IL1RAPL2: variants seen among roughly 807,000 people sequenced by gnomAD.
The protein encoded by IL1RAPL2 is X-linked interleukin-1 receptor accessory protein-like 2.
Under a neutral mutation model 44.1 loss-of-function variants are expected in IL1RAPL2, and 3 were observed. The observed-to-expected ratio is 0.07, with a 90% CI of 0.03 to 0.18. The LOEUF is 0.18. Ranked by LOEUF, IL1RAPL2 falls within the 10% of genes least tolerant of loss-of-function variation. The probability of loss-of-function intolerance (pLI) is 1.00; values close to 1 mark genes in which losing one functional copy is unlikely to be tolerated. For synonymous variants in IL1RAPL2, 181 were observed against 178.8 expected, an observed-to-expected ratio of 1.01 and a Z score of -0.10; for missense variants, 391 against 496.4, an observed-to-expected ratio of 0.79 and a Z score of 2.02.
At chrX:105,723,308 G>T (rs1326505873) in intron 7 of IL1RAPL2, among the ~76,000 whole-genome samples, 1 of 111,386 alleles carries the variant, frequency 9.0e-6, no homozygotes, top group Non-Finnish European at 1.9e-5. Flanking sequence ...ACATAAAAAT[G>T]GCCTTTACTG....
intron 7 of IL1RAPL2, among the ~76,000 whole-genome samples, chrX:105,734,967 G>C (rs1324378367): frequency 1.8e-5 from 2 of 110,874 alleles, no homozygotes; most frequent in African/African-American, 6.6e-5. Context: ...TTTGCTCCTG[G>C]GGATCTCATT....
intron 2 of IL1RAPL2, among the ~76,000 whole-genome samples, chrX:105,066,466 G>T (rs1227022826): frequency 9.0e-6 from 1 of 111,456 alleles, no homozygotes; most frequent in Non-Finnish European, 1.9e-5. Context: ...TTGTTATAAG[G>T]GATGGAGAAG....
chrX:105,755,314 T>C lies in IL1RAPL2; in HGVS notation c.1330T>C (p.Phe444Leu), dbSNP rs1387173678. The change falls in exon 10 of 11, where the codon TTC (phenylalanine) becomes CTC (leucine). Residue 444 changes from phenylalanine (F) to leucine (L), a missense_variant. By Grantham distance (22) the Phe-to-Leu change is conservative (BLOSUM62 0). This residue lies in a region of IL1RAPL2 where 232 missense variants were observed against 244.8 expected (regional missense o/e 0.95). Transcript: ENST00000372582. ...VLEKHYGYKL[F>L]IPERDLIPSG... ...GGAAAAACACTATGGATATAAACTC[T>C]TCATCCCAGAAAGAGACCTGATTCC... The C allele has an allele frequency of 1.2e-5, 14 of 1,200,531 alleles. No individual in the cohort carries two copies. Among genetic ancestry groups the C allele is most frequent in the Non-Finnish European group, 1.6e-5 (14 of 889,445 alleles).
chrX:104,931,409 G>A (rs1254026633), intron 2 of IL1RAPL2, among the ~76,000 whole-genome samples: 1 of 106,316 alleles, frequency 9.4e-6, no homozygotes, highest in Admixed American at 1.0e-4. Flanking sequence ...GAACTGCTAA[G>A]ATCTAGCTGT....
intron 2 of IL1RAPL2, among the ~76,000 whole-genome samples, chrX:105,073,211 C>T (rs1415302129): frequency 1.6e-5 from 1 of 64,019 alleles, no homozygotes; most frequent in Admixed American, 2.4e-4. Flanking sequence ...CACCCCACAA[C>T]AGGCCCCAGT....
intron 5 of IL1RAPL2, chrX:105,406,650 G>A: frequency 2.6e-6 from 3 of 1,151,412 alleles, no homozygotes; most frequent in African/African-American, 1.8e-5. Flanking sequence ...TCTTTGCTGT[G>A]CAAATCTTGA....
chrX:105,346,973 C>A (rs777759343), intron 5 of IL1RAPL2, among the ~76,000 whole-genome samples: 50 of 111,681 alleles, frequency 4.5e-4, no homozygotes, highest in African/African-American at 1.6e-3. Flanking sequence ...GGCTTGATGT[C>A]AAGTCCAGAA....
intron 5 of IL1RAPL2, among the ~76,000 whole-genome samples, chrX:105,463,573 CACA>C (rs2036108419): frequency 4.0e-4 from 1 of 2,483 alleles, no homozygotes; most frequent in African/African-American, 8.3e-4. Flanking sequence ...CTCTCTCCCA[CACA>C]CACACACACA....
At chrX:105,067,597 A>G (rs1287026215) in intron 2 of IL1RAPL2, among the ~76,000 whole-genome samples, 1 of 112,019 alleles carries the variant, frequency 8.9e-6, no homozygotes, top group East Asian at 2.8e-4. Context: ...GATCAAGCGA[A>G]AGAGAGATAC....
At chrX:104,812,977 A>G (rs1921033564) in intron 2 of IL1RAPL2, among the ~76,000 whole-genome samples, 1 of 112,036 alleles carries the variant, frequency 8.9e-6, no homozygotes, top group East Asian at 2.8e-4. Context: ...AGAATTAGCA[A>G]AATGAGCAAG....
At chrX:105,508,096 G>C (rs1262119426) in intron 6 of IL1RAPL2, among the ~76,000 whole-genome samples, 1 of 111,489 alleles carries the variant, frequency 9.0e-6, no homozygotes, top group East Asian at 2.8e-4. Context: ...CTGCCTAAAA[G>C]AGCAACTGAC....
intron 2 of IL1RAPL2, among the ~76,000 whole-genome samples, chrX:104,920,528 TCCCC>T (rs1924605251): frequency 1.0e-5 from 1 of 99,470 alleles, no homozygotes; most frequent in Non-Finnish European, 2.0e-5. Context: ...GCCCCTCCCC[TCCCC>T]TCCCCTCTCT....
At chrX:104,698,513 G>T (rs970652002) in intron 2 of IL1RAPL2, among the ~76,000 whole-genome samples, 1 of 111,646 alleles carries the variant, frequency 9.0e-6, no homozygotes, top group African/African-American at 3.3e-5. Context: ...TTGTCACCAG[G>T]CTACCCTGCC....
chrX:105,036,562 C>T (rs886507968), intron 2 of IL1RAPL2, among the ~76,000 whole-genome samples: 1 of 109,535 alleles, frequency 9.1e-6, no homozygotes, highest in Admixed American at 9.6e-5. Context: ...ATAAAAATTC[C>T]AGAAATATTT....
intron 2 of IL1RAPL2, among the ~76,000 whole-genome samples, chrX:104,673,996 G>C (rs1930681761): frequency 9.0e-6 from 1 of 111,287 alleles, no homozygotes; most frequent in Admixed American, 9.5e-5. Flanking sequence ...AGGAGATTTT[G>C]GGCTGAGACA....
At chrX:105,568,026 T>C (rs966418245) in intron 6 of IL1RAPL2, among the ~76,000 whole-genome samples, 15 of 111,228 alleles carry the variant, frequency 1.3e-4, no homozygotes, top group African/African-American at 4.9e-4. Flanking sequence ...AGCATACTAA[T>C]ATAATTTAAA....
intron 5 of IL1RAPL2, among the ~76,000 whole-genome samples, chrX:105,435,452 A>C (rs1051037514): frequency 9.0e-6 from 1 of 111,721 alleles, no homozygotes; most frequent in Non-Finnish European, 1.9e-5. Context: ...TGGGAAAGTA[A>C]ATTAGTTCAG....
At chrX:105,327,770 A>G (rs2034952156) in intron 5 of IL1RAPL2, among the ~76,000 whole-genome samples, 1 of 111,632 alleles carries the variant, frequency 9.0e-6, no homozygotes, top group African/African-American at 3.3e-5. Context: ...TAGATGAGAA[A>G]CATTACCTTG....
chrX:105,025,303 C>A (rs759207649), intron 2 of IL1RAPL2, among the ~76,000 whole-genome samples: 4 of 111,234 alleles, frequency 3.6e-5, no homozygotes, highest in Admixed American at 9.6e-5. Context: ...ATTGGGCAAC[C>A]ATGTGGTTAG....
Sources: gnomAD v4.1 joint callset for allele counts (sites outside exome capture counted in the v4.1 genomes callset) on GRCh38, gnomAD v4.1.1 for gene constraint, gnomAD v4.1.1 regional missense constraint, MANE v1.5 for transcripts, NCBI Gene and HGNC (gene_info 2026-07-23, HGNC 2026-07-21) for gene names.